The following FGF2 variants were observed in gnomAD, a reference collection of about 807,000 sequenced individuals.
FGF2 encodes fibroblast growth factor 2.
Under a neutral mutation model 15.9 loss-of-function variants are expected in FGF2, and 13 were observed. The observed-to-expected ratio is 0.82, with a 90% CI of 0.53 to 1.30. The LOEUF (loss-of-function observed/expected upper bound fraction) is 1.30, where lower values mean the gene tolerates loss of function less well. Among genes scored for constraint, FGF2 ranks in the 50% most tolerant of loss-of-function variants. The probability of loss-of-function intolerance (pLI) is 0.00; values close to 1 mark genes in which losing one functional copy is unlikely to be tolerated. For missense variants in FGF2, 163 were observed against 196.9 expected (o/e 0.83, Z 1.03); for synonymous variants, 90 against 78.4 (o/e 1.15, Z -0.78).
At chr4:122,872,080 TA>T (rs1726749928) in intron 1 of FGF2, among the ~76,000 whole-genome samples, 1 of 152,094 alleles carries the variant, frequency 6.6e-6, no homozygotes, top group Non-Finnish European at 1.5e-5. Flanking sequence ...TACGCTGAGC[TA>T]AAAGGAGCAT....
At chr4:122,840,164 C>A (rs1226421924) in intron 1 of FGF2, among the ~76,000 whole-genome samples, 1 of 152,114 alleles carries the variant, frequency 6.6e-6, no homozygotes, top group Non-Finnish European at 1.5e-5. Context: ...ATTAGAGCTT[C>A]AACATGAGTT....
At chr4:122,869,430 A>G (rs143849957) in intron 1 of FGF2, among the ~76,000 whole-genome samples, 2,173 of 152,294 alleles carry the variant, frequency 0.014, 56 homozygotes, top group African/African-American at 0.049. Context: ...TTTGGGCAGT[A>G]TGTCCATTTT....
intron 1 of FGF2, among the ~76,000 whole-genome samples, chr4:122,865,535 C>T (rs928260793): frequency 1.3e-5 from 2 of 152,114 alleles, no homozygotes; most frequent in African/African-American, 4.8e-5. Flanking sequence ...AAGCAATCCA[C>T]CCATCTCCCA....
intron 1 of FGF2, among the ~76,000 whole-genome samples, chr4:122,858,931 A>G (rs1483165060): frequency 6.7e-6 from 1 of 150,086 alleles, no homozygotes; most frequent in Non-Finnish European, 1.5e-5. Flanking sequence ...GAAAGCGAAC[A>G]CACTCTATCA....
chr4:122,834,224 GCTCCACCCCATT>G (rs577321131), intron 1 of FGF2, among the ~76,000 whole-genome samples: 107 of 152,322 alleles, frequency 7.0e-4, no homozygotes, highest in Non-Finnish European at 1.4e-3. Flanking sequence ...AACTTCTGTG[GCTCCACCCCATT>G]CTCCCAGTGT....
intron 2 of FGF2, among the ~76,000 whole-genome samples, chr4:122,879,613 A>C (rs6824785): frequency 0.44 from 66,226 of 152,098 alleles, 17,047 homozygotes; most frequent in Non-Finnish European, 0.57. Context: ...CATGCTGCCG[A>C]TAAAGACATA....
chr4:122,882,229 A>G (rs1228427100), intron 2 of FGF2: 1 of 152,224 alleles, frequency 6.6e-6, no homozygotes, highest in Non-Finnish European at 1.5e-5. Context: ...GGAATTTTTC[A>G]TCTCCTCAGG....
At chr4:122,859,650 A>C (rs945973701) in intron 1 of FGF2, among the ~76,000 whole-genome samples, 5 of 30,732 alleles carry the variant, frequency 1.6e-4, no homozygotes, top group Non-Finnish European at 2.6e-4. Context: ...GTACATATGT[A>C]TATACACACA....
intron 1 of FGF2, among the ~76,000 whole-genome samples, chr4:122,860,072 G>A (rs1332878874): frequency 6.6e-6 from 1 of 152,122 alleles, no homozygotes; most frequent in African/African-American, 2.4e-5. Flanking sequence ...TTTGGTTGGG[G>A]TGGAAATGAC....
rs1174291707 is a variant in FGF2, at chr4:122,896,494, C to T, written c.*4098C>T. The T allele has an allele frequency of 6.6e-6, 1 of 152,138 alleles. No homozygotes were observed. The highest frequency in any genetic ancestry group is 1.5e-5 in the Non-Finnish European group (1 of 68,026). The allele number at this position is 152,138 out of a possible 1,614,324, so 9.4% of individuals were successfully genotyped here. ...TTAATTAGCTCACATGCTCTGCTCTCACGTGGCACCAGTGGATAGTGTGAG... is the reference window on the plus strand; with the variant it reads ...TTAATTAGCTCACATGCTCTGCTCTTACGTGGCACCAGTGGATAGTGTGAG... On this transcript the variant is annotated 3_prime_UTR_variant, in exon 3 of 3. Coordinates refer to ENST00000644866, the MANE Select transcript of FGF2 (RefSeq NM_001361665.2).
At chr4:122,882,766 C>T (rs1726986639) in intron 2 of FGF2, 1 of 152,194 alleles carries the variant, frequency 6.6e-6, no homozygotes, top group African/African-American at 2.4e-5. Context: ...CGTCATACGA[C>T]CTGTTCACAA....
intron 2 of FGF2, among the ~76,000 whole-genome samples, chr4:122,880,347 C>A (rs11937491): frequency 2.0e-5 from 3 of 150,994 alleles, no homozygotes; most frequent in Non-Finnish European, 4.4e-5. Context: ...CCCGGGTTCA[C>A]GCCATTCTCC....
At chr4:122,874,929 AT>A (rs1369401850) in intron 1 of FGF2, among the ~76,000 whole-genome samples, 1 of 152,188 alleles carries the variant, frequency 6.6e-6, no homozygotes, top group Non-Finnish European at 1.5e-5. Flanking sequence ...GCTCTCAAGA[AT>A]ATCCTAAACA....
chr4:122,872,912 T>C (rs1726770109), intron 1 of FGF2, among the ~76,000 whole-genome samples: 1 of 152,132 alleles, frequency 6.6e-6, no homozygotes. Context: ...TACCAGTCAC[T>C]GCAAAAAACA....
intron 1 of FGF2, among the ~76,000 whole-genome samples, chr4:122,866,306 T>G (rs1726580884): frequency 6.6e-6 from 1 of 151,100 alleles, no homozygotes; most frequent in Non-Finnish European, 1.5e-5. Flanking sequence ...AGGCGGAGCT[T>G]GCAGTGAGCC....
intron 1 of FGF2, among the ~76,000 whole-genome samples, chr4:122,858,431 T>C (rs1366003558): frequency 6.6e-6 from 1 of 152,074 alleles, no homozygotes; most frequent in Non-Finnish European, 1.5e-5. Context: ...AGAGTCTCGA[T>C]CTGTCACCCA....
At chr4:122,861,865 T>C (rs1286864734) in intron 1 of FGF2, among the ~76,000 whole-genome samples, 1 of 152,026 alleles carries the variant, frequency 6.6e-6, no homozygotes, top group African/African-American at 2.4e-5. Flanking sequence ...AGATGCTTTC[T>C]TTTTGTTCCC....
intron 2 of FGF2, 101 bp downstream of exon 2, chr4:122,876,525 TATC>T (rs1726849400): frequency 1.3e-6 from 1 of 784,784 alleles, no homozygotes; most frequent in African/African-American, 1.7e-5. Flanking sequence ...ATTTTACGTG[TATC>T]ATCGTCATAG....
intron 1 of FGF2, among the ~76,000 whole-genome samples, chr4:122,849,253 C>A (rs1726177828): frequency 6.6e-6 from 1 of 152,110 alleles, no homozygotes; most frequent in Non-Finnish European, 1.5e-5. Context: ...ACATACATAC[C>A]ATGGAATACT....
Sources: gnomAD v4.1 joint callset for allele counts (sites outside exome capture counted in the v4.1 genomes callset) on GRCh38, gnomAD v4.1.1 for gene constraint, MANE v1.5 for transcripts, NCBI Gene and HGNC (gene_info 2026-07-23, HGNC 2026-07-21) for gene names.